The following CCDC171 variants were observed in gnomAD, a reference collection of about 807,000 sequenced individuals.
CCDC171 encodes the protein coiled-coil domain-containing protein 171.
A neutral mutation model predicts 168.2 loss-of-function variants in CCDC171; 177 were observed. The observed-to-expected ratio is 1.05, with a 90% confidence interval of 0.93 to 1.19. The LOEUF (loss-of-function observed/expected upper bound fraction) is 1.19. Ranked by LOEUF, CCDC171 falls within the 50% of genes most tolerant of loss-of-function variation. The pLI is 0.00. For missense variants in CCDC171, 1,991 were observed against 1,539.0 expected (o/e 1.29, Z -4.91); for synonymous variants, 687 against 540.8 (o/e 1.27, Z -3.75).
At position 15,973,377 on chromosome 9, in the gene CCDC171, A is replaced by G. The variant is rs895216760; in HGVS notation, c.*1541A>G. On this transcript the variant is annotated 3_prime_UTR_variant, in exon 26 of 26. Coordinates refer to ENST00000380701, the MANE Select transcript of CCDC171 (RefSeq NM_173550.4). ...TTACCCAACTGCTGAGAATTTTTTT[A>G]TTGGCCTTGGTAAATAAGATTTTAT... is the stretch of plus-strand genomic sequence containing the variant. 1 of 152,044 alleles carries G rather than the reference A, an allele frequency of 6.6e-6. No individual in the cohort carries two copies. 9.4% of individuals were successfully genotyped at this position (152,044 alleles called of 1,614,324 possible).
intron 16 of CCDC171, among the ~76,000 whole-genome samples, chr9:15,733,256 C>G (rs1458524784): frequency 6.6e-6 from 1 of 152,058 alleles, no homozygotes; most frequent in Non-Finnish European, 1.5e-5. Flanking sequence ...TTCTACTGTT[C>G]TCTTAGCAGT....
intron 16 of CCDC171, among the ~76,000 whole-genome samples, chr9:15,740,797 C>T (rs2054825108): frequency 1.3e-5 from 2 of 152,086 alleles, no homozygotes; most frequent in South Asian, 4.1e-4. Flanking sequence ...CCTCTCATTC[C>T]TCTTCTTTTT....
intron 10 of CCDC171, among the ~76,000 whole-genome samples, chr9:15,686,588 C>G (rs910203419): frequency 6.6e-6 from 1 of 150,684 alleles, no homozygotes; most frequent in Non-Finnish European, 1.5e-5. Flanking sequence ...TACCATGCAC[C>G]CAATAAAAAA....
intron 3 of CCDC171, among the ~76,000 whole-genome samples, chr9:16,001,220 A>C (rs1012497728): frequency 1.3e-5 from 2 of 152,144 alleles, no homozygotes; most frequent in Non-Finnish European, 2.9e-5. Flanking sequence ...CCAGTTTCTC[A>C]AAGTGCTGAT....
the CCDC171 span, among the ~76,000 whole-genome samples, chr9:16,101,020 A>G: frequency 3.9e-5 from 6 of 152,314 alleles, no homozygotes; most frequent in Non-Finnish European, 8.8e-5. Context: ...GTGAGTATGC[A>G]GGGTGTTGAC....
At chr9:15,569,767 A>G (rs1273434726) in intron 2 of CCDC171, among the ~76,000 whole-genome samples, 2 of 151,664 alleles carry the variant, frequency 1.3e-5, no homozygotes, top group African/African-American at 2.4e-5. Context: ...GTGAGCCGAG[A>G]TCGTGCCACT....
chr9:15,706,779 C>A (rs1588071756), intron 11 of CCDC171, among the ~76,000 whole-genome samples: 1 of 152,208 alleles, frequency 6.6e-6, no homozygotes, highest in East Asian at 1.9e-4. Context: ...CTTCAGCTTT[C>A]CTTGAGGAAA....
At position 15,827,491 on chromosome 9, in the gene CCDC171, A is replaced by G. The variant is rs181825013; in HGVS notation, c.3268-19211A>G. On this transcript the variant is annotated intron_variant, in intron 21 of 25. Coordinates refer to ENST00000380701, the MANE Select transcript of CCDC171 (RefSeq NM_173550.4). ...CTGCTTTCTAAAATGGAAGTTTGCC[A>G]GAGAAGAGTGTCATCTTGAACTAGA... 3.7e-3 allele frequency among the ~76,000 whole-genome samples: 569 copies of G among 152,320 alleles called. 4 individuals carry two copies. Among genetic ancestry groups the G allele is most frequent in the African/African-American group, 0.013 (537 of 41,570 alleles).
intron 4 of CCDC171, among the ~76,000 whole-genome samples, chr9:15,584,078 A>C (rs1021021579): frequency 2.0e-5 from 3 of 152,138 alleles, no homozygotes; most frequent in Non-Finnish European, 4.4e-5. Context: ...CATCTTGGCC[A>C]GGCGGATCTT....
At chr9:16,001,933 G>GCT (rs1232066804) in intron 3 of CCDC171, among the ~76,000 whole-genome samples, 4 of 149,450 alleles carry the variant, frequency 2.7e-5, no homozygotes. Context: ...GACTTACTGT[G>GCT]CTCAAACAGT....
At chr9:15,947,467 C>A (rs2987073) in intron 25 of CCDC171, among the ~76,000 whole-genome samples, 124,711 of 151,826 alleles carry the variant, frequency 0.82, 51,389 homozygotes, top group East Asian at 0.96. Flanking sequence ...TCTTTTCGTG[C>A]ATGGCCTATT....
At chr9:15,997,770 C>T (rs895044047) in intron 3 of CCDC171, among the ~76,000 whole-genome samples, 2 of 152,208 alleles carry the variant, frequency 1.3e-5, no homozygotes, top group African/African-American at 2.4e-5. Flanking sequence ...TGATGGCATA[C>T]CCTTCTCAGG....
chr9:15,800,417 A>C lies in CCDC171; in HGVS notation c.3267+15723A>C, dbSNP rs914284245. ...TTGCTATTTGTATGTCTTCTTTTAA[A>C]AAATGTCAATTTAATCTTTTGCCCA... is the stretch of plus-strand genomic sequence containing the variant. On this transcript the variant is annotated intron_variant, in intron 21 of 25. Transcript: ENST00000380701. Among the ~76,000 whole-genome samples, 114 of 152,244 alleles carry C rather than the reference A, an allele frequency of 7.5e-4. 1 individual carries two copies. Among genetic ancestry groups the C allele is most frequent in the African/African-American group, 2.5e-3 (105 of 41,574 alleles).
At chr9:15,852,325 G>A (rs1037999583) in intron 23 of CCDC171, among the ~76,000 whole-genome samples, 1 of 151,690 alleles carries the variant, frequency 6.6e-6, no homozygotes, top group African/African-American at 2.4e-5. Context: ...TTTTCCTAAT[G>A]ACTAACAATG....
the CCDC171 span, among the ~76,000 whole-genome samples, chr9:16,084,308 C>T: frequency 6.6e-6 from 1 of 152,258 alleles, no homozygotes; most frequent in South Asian, 2.1e-4. Context: ...GGCTGCCTGC[C>T]TTCCCTGTAC....
intron 6 of CCDC171, among the ~76,000 whole-genome samples, chr9:15,615,164 TAAAATA>T (rs1186400049): frequency 1.3e-5 from 2 of 152,080 alleles, no homozygotes; most frequent in African/African-American, 4.8e-5. Context: ...TTTAAAAAGA[TAAAATA>T]TAAAAGACTT....
intron 3 of CCDC171, among the ~76,000 whole-genome samples, chr9:16,016,885 C>G (rs531005265): frequency 1.3e-5 from 2 of 152,244 alleles, no homozygotes; most frequent in African/African-American, 4.8e-5. Flanking sequence ...CCTTTACTGC[C>G]TAGCAATCTA....
rs192717485 is a variant in CCDC171, at chr9:15,842,073, C to A, written c.3268-4629C>A. Among the ~76,000 whole-genome samples, 1,188 of 151,766 alleles carry A rather than the reference C, an allele frequency of 7.8e-3. 12 individuals carry two copies. Among genetic ancestry groups the A allele is most frequent in the African/African-American group, 0.027 (1,131 of 41,460 alleles). Reference sequence around the variant, plus strand: ...AAATTTATTTTTCTTTAAATGTTATCTTTTTTCCCCCTGCAAGGAAATGTA... The same window carrying A: ...AAATTTATTTTTCTTTAAATGTTATATTTTTTCCCCCTGCAAGGAAATGTA... On this transcript the variant is annotated intron_variant, in intron 21 of 25. Coordinates refer to ENST00000380701, the MANE Select transcript of CCDC171 (RefSeq NM_173550.4).
intron 6 of CCDC171, among the ~76,000 whole-genome samples, chr9:15,601,974 T>G (rs1241432026): frequency 6.6e-6 from 1 of 152,206 alleles, no homozygotes; most frequent in Non-Finnish European, 1.5e-5. Context: ...AGTTTATATG[T>G]GAAGTACTAA....
Sources: allele counts gnomAD v4.1 joint callset (sites outside exome capture counted in the v4.1 genomes callset), GRCh38; gene constraint gnomAD v4.1.1; transcripts MANE v1.5; gene names NCBI Gene and HGNC (gene_info 2026-07-23, HGNC 2026-07-21).